The following TNXB variants were observed in gnomAD, a reference collection of about 807,000 sequenced individuals.
The protein encoded by TNXB is tenascin-X.
Under a neutral mutation model 340.5 loss-of-function variants are expected in TNXB, and 183 were observed. The ratio of observed to expected loss-of-function variants is 0.54; its 90% CI spans 0.48 to 0.61. The LOEUF (loss-of-function observed/expected upper bound fraction) is 0.61. Ranked by LOEUF, TNXB falls within the 20% of genes least tolerant of loss-of-function variation. The pLI, the probability that TNXB is intolerant of heterozygous loss-of-function variation, is 0.00. For synonymous variants in TNXB, 2,121 were observed against 2,314.5 expected, an observed-to-expected ratio of 0.92 and a Z score of 2.40; for missense variants, 4,613 against 5,446.4, an observed-to-expected ratio of 0.85 and a Z score of 4.82.
intron 1 of TNXB, among the ~76,000 whole-genome samples, chr6:32,100,245 C>T (rs1379202639): frequency 1.3e-5 from 2 of 152,020 alleles, no homozygotes; most frequent in Non-Finnish European, 2.9e-5. Flanking sequence ...GCGGGGATTA[C>T]AGGCATCTGC....
intron 22 of TNXB, among the ~76,000 whole-genome samples, chr6:32,057,807 C>T (rs1258325075): frequency 1.3e-5 from 2 of 152,204 alleles, no homozygotes; most frequent in African/African-American, 2.4e-5. Context: ...CCTGGGTACC[C>T]ATGGGCAGGG....
chr6:32,098,266 C>G, intron 1 of TNXB, 60 bp from the exon 2 acceptor site: 2 of 1,356,884 alleles, frequency 1.5e-6, no homozygotes, highest in Non-Finnish European at 9.8e-7. Flanking sequence ...ATGAATCCCC[C>G]CTTCTCCAGC....
intron 4 of TNXB, among the ~76,000 whole-genome samples, chr6:32,093,040 G>A (rs1283110700): frequency 5.3e-5 from 8 of 152,218 alleles, no homozygotes; most frequent in Admixed American, 4.6e-4. Context: ...ACCAAGGATC[G>A]GTTTGTATTT....
rs755223727 is a variant in TNXB, at chr6:32,061,530, C to G, written c.7359G>C (p.Gln2453His). Residue 2453 changes from glutamine (Q) to histidine (H), a missense_variant, in exon 21 of 44, where the codon CAG becomes CAC. Transcript: ENST00000644971. This position sits in a 1 kb window ranked among gnomAD's most constrained non-coding sequence, Gnocchi z 4.4. ...VQYKDRDGRP[Q>H]VVRVGGEESE... ...TCTCCTCGCCCCCAACACGCACCAC[C>G]TGGGGCCGCCCGTCCCTGTCCTTGT... The G allele has an allele frequency of 2.5e-6, 4 of 1,613,526 alleles. No individual in the cohort carries two copies. The highest frequency in any genetic ancestry group is 2.5e-6 in the Non-Finnish European group (3 of 1,179,890).
chr6:32,097,696 G>T lies in TNXB; in HGVS notation c.403+100C>A. On this transcript the variant is annotated intron_variant, in intron 2 of 43. Coordinates refer to ENST00000644971, the MANE Select transcript of TNXB (RefSeq NM_001365276.2). The surrounding 1 kb of genome is among the most constrained non-coding windows in gnomAD (Gnocchi z 5.9). Reference sequence around the variant, plus strand: ...GCTGCATCCACACCCCTCATGGTGAGGAAGGAGTGCCTTCTTCTAATTCAT... The same window carrying T: ...GCTGCATCCACACCCCTCATGGTGATGAAGGAGTGCCTTCTTCTAATTCAT... 7.5e-7 allele frequency: 1 copy of T among 1,341,790 alleles called. No individual in the cohort carries two copies. Among genetic ancestry groups the T allele is most frequent in the Non-Finnish European group, 9.9e-7 (1 of 1,007,334 alleles). The allele number at this position is 1,341,790 out of a possible 1,614,324, so 83.1% of individuals were successfully genotyped here. A position where few individuals can be genotyped will look rare whatever the true frequency, so the allele number is the denominator to read the frequency against.
chr6:32,088,658 C>T, intron 6 of TNXB, 127 bp downstream of exon 6: 1 of 1,363,154 alleles, frequency 7.3e-7, no homozygotes, highest in Non-Finnish European at 9.9e-7. Context: ...CCAGCAGGTG[C>T]CTCGAGACTG....
At chr6:32,054,820 C>T (rs1431869414) in intron 24 of TNXB, among the ~76,000 whole-genome samples, 1 of 152,212 alleles carries the variant, frequency 6.6e-6, no homozygotes, top group South Asian at 2.1e-4. Flanking sequence ...TTCCCTCTGC[C>T]AGGCCACGGC....
At position 32,073,355 on chromosome 6, in the gene TNXB, G is replaced by C. The variant is rs56106921; in HGVS notation, c.4681+292C>G. Among the ~76,000 whole-genome samples the C allele has an allele frequency of 6.6e-6, 1 of 152,196 alleles. No individual in the cohort carries two copies. The highest frequency in any genetic ancestry group is 6.5e-5 in the Admixed American group (1 of 15,286). Reference sequence around the variant, plus strand: ...GGAAACAGCTGTGGGCAGTCGGAGAGGGGGAGAGAAAGTCTGTGGCTGGAT... The same window carrying C: ...GGAAACAGCTGTGGGCAGTCGGAGACGGGGAGAGAAAGTCTGTGGCTGGAT... On this transcript the variant is annotated intron_variant, in intron 12 of 43. Coordinates refer to ENST00000644971, the MANE Select transcript of TNXB (RefSeq NM_001365276.2). The surrounding 1 kb of genome is among the most constrained non-coding windows in gnomAD (Gnocchi z 4.6).
chr6:32,041,678 C>T (rs1562767710), intron 43 of TNXB, 93 bp downstream of exon 43: 13 of 1,172,424 alleles, frequency 1.1e-5, no homozygotes, highest in Middle Eastern at 2.7e-4. Flanking sequence ...TTCACCCAGC[C>T]ACTCAGTCCC....
chr6:32,074,768 C>A lies in TNXB; in HGVS notation c.4376-816G>T, dbSNP rs1778987541. On this transcript the variant is annotated intron_variant, in intron 11 of 43. Coordinates refer to ENST00000644971, the MANE Select transcript of TNXB (RefSeq NM_001365276.2). This position sits in a 1 kb window ranked among gnomAD's most constrained non-coding sequence, Gnocchi z 5.5. ...CCCTCTCGGCTCACCGCAACCTACGCCTCCTGGGTTCAAGCGATTCTCCTG... is the reference window on the plus strand; with the variant it reads ...CCCTCTCGGCTCACCGCAACCTACGACTCCTGGGTTCAAGCGATTCTCCTG... 6.6e-6 allele frequency among the ~76,000 whole-genome samples: 1 copy of A among 152,194 alleles called. No individual in the cohort carries two copies. Among genetic ancestry groups the A allele is most frequent in the Non-Finnish European group, 1.5e-5 (1 of 68,040 alleles).
intron 26 of TNXB, among the ~76,000 whole-genome samples, chr6:32,050,901 T>C (rs1458997677): frequency 6.6e-6 from 1 of 152,052 alleles, no homozygotes. Flanking sequence ...CCCATCCCCA[T>C]CTTTAGCCCC....
Position 32,098,202 on chromosome 6 carries a change from G to A in TNXB, c.-4C>T, listed in dbSNP as rs776390938. ...GAGCATACTGGGCTGGCATCATTCAGGAGGCTGCAGGGAGAAAGGGTAGGT... is the reference window on the plus strand; with the variant it reads ...GAGCATACTGGGCTGGCATCATTCAAGAGGCTGCAGGGAGAAAGGGTAGGT... On this transcript the variant is annotated 5_prime_UTR_variant, in exon 2 of 44. Coordinates refer to ENST00000644971, the MANE Select transcript of TNXB (RefSeq NM_001365276.2). 2.7e-6 allele frequency: 4 copies of A among 1,495,444 alleles called. No homozygotes were observed. The South Asian group carries it at 4.2e-5, about 16-fold the overall frequency. The allele number at this position is 1,495,444 out of a possible 1,614,324, so 92.6% of individuals were successfully genotyped here.
chr6:32,095,895 G>C lies in TNXB; in HGVS notation c.1958C>G (p.Pro653Arg), dbSNP rs1400458163. Residue 653 changes from proline (P) to arginine (R), a missense_variant, in exon 3 of 44, where the codon CCG becomes CGG. Coordinates refer to ENST00000644971, the MANE Select transcript of TNXB (RefSeq NM_001365276.2). ...CCGCCCACGTCCCCGGCAGTCAGCC[G>C]GGCACATGCGGGTGGCACAGGTAGG... ...TGPTCATRMC[P>R]ADCRGRGRCV... is the part of the protein sequence containing the mutation. 21 of 1,612,434 alleles carry C rather than the reference G, an allele frequency of 1.3e-5. No individual in the cohort carries two copies. The highest frequency in any genetic ancestry group is 1.7e-5 in the Non-Finnish European group (20 of 1,179,460).
At chr6:32,088,644 G>A in intron 6 of TNXB, 141 bp downstream of exon 6, 1 of 1,234,006 alleles carries the variant, frequency 8.1e-7, no homozygotes, top group Non-Finnish European at 1.1e-6. Flanking sequence ...ACAGAGCAAG[G>A]CCCCCAGCAG....
chr6:32,062,013 A>G lies in TNXB; in HGVS notation c.7168+144T>C. ...GGGAGCCAGGGGTCAACCACACAAA[A>G]AGGTACAATGGGAGCCCCAGCCCCA... On this transcript the variant is annotated intron_variant, in intron 20 of 43. Coordinates refer to ENST00000644971, the MANE Select transcript of TNXB (RefSeq NM_001365276.2). This position sits in a 1 kb window ranked among gnomAD's most constrained non-coding sequence, Gnocchi z 4.3. The G allele has an allele frequency of 8.5e-7, 1 of 1,170,578 alleles. No individual in the cohort carries two copies. The highest frequency in any genetic ancestry group is 2.7e-5 in the Admixed American group (1 of 36,592). The allele number at this position is 1,170,578 out of a possible 1,614,324, so 72.5% of individuals were successfully genotyped here.
At chr6:32,057,670 C>G (rs1306291522) in intron 22 of TNXB, among the ~76,000 whole-genome samples, 1 of 152,236 alleles carries the variant, frequency 6.6e-6, no homozygotes, top group African/African-American at 2.4e-5. Context: ...TCCTCAGTGC[C>G]TCTCACGTGC....
In TNXB at chr6:32,048,551, T is replaced by TCA; in HGVS notation, c.9856_9857insTG (p.Gln3286LeufsTer24). ...TACCAGGAAGGAGTCAAAGGGGCCC[T>TCA]GGGCCACCGTCCATGAGAGGCCCAC... On this transcript the variant is annotated frameshift_variant, in exon 29 of 44. Coordinates refer to ENST00000644971, the MANE Select transcript of TNXB (RefSeq NM_001365276.2). LOFTEE classifies it high-confidence loss of function. 2 of 1,587,446 alleles carry TCA rather than the reference T, an allele frequency of 1.3e-6. No homozygotes were observed. The highest frequency in any genetic ancestry group is 3.4e-5 in the Admixed American group (2 of 58,942).
Position 32,096,737 on chromosome 6 carries a change from T to C in TNXB, c.1116A>G (p.Thr372=). Residue 372 remains threonine (T), a synonymous_variant, in exon 3 of 44, where the codon ACA becomes ACG. Coordinates refer to ENST00000644971, the MANE Select transcript of TNXB (RefSeq NM_001365276.2). The part of the protein sequence containing the change: ...GYTGEDCSTR[T]CPRDCRGRGR... ...CGCGGCCCCGGCAGTCCCTCGGACA[T>C]GTCCGCGTGCTGCAGTCCTCGCCTG... 3 of 1,510,486 alleles carry C rather than the reference T, an allele frequency of 2.0e-6. No homozygotes were observed. The highest frequency in any genetic ancestry group is 1.8e-6 in the Non-Finnish European group (2 of 1,129,748). 93.6% of individuals were successfully genotyped at this position (1,510,486 alleles called of 1,614,324 possible).
In TNXB at chr6:32,069,344, G is replaced by T. The variant is rs1778611578; in HGVS notation, c.5588-208C>A. Among the ~76,000 whole-genome samples, 1 of 152,264 alleles carries T rather than the reference G, an allele frequency of 6.6e-6. No homozygotes were observed. Among genetic ancestry groups the T allele is most frequent in the African/African-American group, 2.4e-5 (1 of 41,464 alleles). On this transcript the variant is annotated intron_variant, in intron 15 of 43. Coordinates refer to ENST00000644971, the MANE Select transcript of TNXB (RefSeq NM_001365276.2). The surrounding 1 kb of genome is among the most constrained non-coding windows in gnomAD (Gnocchi z 6.2). ...GCGTATTGTGATTCCATTACATGGA[G>T]AGTCAAAATGCTGTCTCCAGGATGA...
Sources: gnomAD v4.1 joint callset for allele counts (sites outside exome capture counted in the v4.1 genomes callset) on GRCh38, gnomAD v4.1.1 for gene constraint, Gnocchi (gnomAD v3.1) non-coding constraint, MANE v1.5 for transcripts, NCBI Gene and HGNC (gene_info 2026-07-23, HGNC 2026-07-21) for gene names.